The following GNA15 variants were observed in gnomAD, a reference collection of about 807,000 sequenced individuals.
GNA15 encodes G protein subunit alpha 15.
GNA15 carries 23 observed loss-of-function variants against 40.1 expected under a neutral mutation model. That is an observed-to-expected ratio of 0.57 (90% CI 0.41 to 0.81). The LOEUF (loss-of-function observed/expected upper bound fraction) is 0.81. Ranked by LOEUF, GNA15 falls within the 40% of genes least tolerant of loss-of-function variation. The pLI is 0.00. For missense variants in GNA15, 522 were observed against 515.8 expected, an observed-to-expected ratio of 1.01 and a Z score of -0.12; for synonymous variants, 226 against 210.4, an observed-to-expected ratio of 1.07 and a Z score of -0.64.
chr19:3,153,171 C>T (rs970884257), intron 4 of GNA15, among the ~76,000 whole-genome samples: 4 of 151,052 alleles, frequency 2.6e-5, no homozygotes, highest in Non-Finnish European at 4.4e-5. Context: ...CGAGAACCCA[C>T]GAGAAGGAAC....
chr19:3,144,588 GCA>G lies in GNA15; in HGVS notation c.146-4002_146-4001del, dbSNP rs1245335025. On this transcript the variant is annotated intron_variant, in intron 1 of 6. Coordinates refer to ENST00000262958, the MANE Select transcript of GNA15 (RefSeq NM_002068.4). ...CTGTCACCCAGGCTGGAGTGCAGTGGCATGATCTCGGCTCATTGCAAGCTCCG... is the reference window on the plus strand; with the variant it reads ...CTGTCACCCAGGCTGGAGTGCAGTGGTGATCTCGGCTCATTGCAAGCTCCG... Among the ~76,000 whole-genome samples, 17 of 152,100 alleles carry G rather than the reference GCA, an allele frequency of 1.1e-4. No individual in the cohort carries two copies. The East Asian group carries it at 1.5e-3, about 14-fold the overall frequency.
At chr19:3,156,726 G>A (rs1915039183) in intron 5 of GNA15, among the ~76,000 whole-genome samples, 1 of 151,996 alleles carries the variant, frequency 6.6e-6, no homozygotes, top group Non-Finnish European at 1.5e-5. Context: ...TCAATCTCCT[G>A]ACCTCGTGAT....
At chr19:3,153,466 GTGGA>G (rs200916319) in intron 4 of GNA15, among the ~76,000 whole-genome samples, 2,471 of 151,506 alleles carry the variant, frequency 0.016, 55 homozygotes, top group African/African-American at 0.055. Flanking sequence ...AGAGGGATGA[GTGGA>G]TGGATGGATG....
At chr19:3,157,653 C>G in intron 5 of GNA15, 75 bp from the exon 6 acceptor site, 1 of 1,363,852 alleles carries the variant, frequency 7.3e-7, no homozygotes, top group South Asian at 1.2e-5. Context: ...GCCAACAGCC[C>G]CGTCTCCGCG....
At chr19:3,140,379 A>G (rs1476896000) in intron 1 of GNA15, among the ~76,000 whole-genome samples, 3 of 152,080 alleles carry the variant, frequency 2.0e-5, no homozygotes, top group Non-Finnish European at 2.9e-5. Context: ...TTCTTGATCT[A>G]TCAAGCTAGG....
chr19:3,153,257 TAA>T lies in GNA15; in HGVS notation c.614+1436_614+1437del, dbSNP rs3216349. 7.3e-3 allele frequency among the ~76,000 whole-genome samples: 1,034 copies of T among 141,230 alleles called. 8 individuals carry two copies. The highest frequency in any genetic ancestry group is 0.023 in the African/African-American group (862 of 37,738). The allele number at this position is 141,230 out of a possible 152,430, so 92.7% of individuals were successfully genotyped here. On this transcript the variant is annotated intron_variant, in intron 4 of 6. Transcript: ENST00000262958. ...GAGAGATACTTGGTCTGGGAATCTT[TAA>T]AAAAAAAAAAAAAGGAAAGATGGAA...
intron 2 of GNA15, 166 bp from the exon 3 acceptor site, chr19:3,149,965 G>A: frequency 1.7e-6 from 1 of 589,742 alleles, no homozygotes; most frequent in Non-Finnish European, 3.0e-6. Context: ...AGAACAGACG[G>A]AGGACAAATC....
chr19:3,160,522 T>C (rs971388598), intron 6 of GNA15, among the ~76,000 whole-genome samples: 1 of 152,128 alleles, frequency 6.6e-6, no homozygotes, highest in African/African-American at 2.4e-5. Context: ...ACATCACTCA[T>C]ATCAGCCCGG....
chr19:3,146,203 C>A (rs1914717953), intron 1 of GNA15, among the ~76,000 whole-genome samples: 1 of 152,212 alleles, frequency 6.6e-6, no homozygotes, highest in South Asian at 2.1e-4. Context: ...GTCCCATCCC[C>A]TCTCCCATCG....
At chr19:3,150,405 C>T in intron 3 of GNA15, 120 bp downstream of exon 3, 3 of 879,968 alleles carry the variant, frequency 3.4e-6, no homozygotes, top group Non-Finnish European at 5.1e-6. Flanking sequence ...GGTGGTCCTG[C>T]TCCAGGATGA....
At chr19:3,150,413 T>A in intron 3 of GNA15, 128 bp downstream of exon 3, 1 of 824,638 alleles carries the variant, frequency 1.2e-6, no homozygotes, top group South Asian at 1.8e-5. Context: ...TGCTCCAGGA[T>A]GAGGTCCTTC....
At chr19:3,139,032 G>A (rs12985797) in intron 1 of GNA15, among the ~76,000 whole-genome samples, 41,352 of 147,590 alleles carry the variant, frequency 0.28, 5,859 homozygotes, top group Non-Finnish European at 0.32. Context: ...TGCAACCTCC[G>A]CCTCCTGGGT....
At chr19:3,156,021 G>C (rs1464932074) in intron 5 of GNA15, 69 bp downstream of exon 5, 13 of 1,444,256 alleles carry the variant, frequency 9.0e-6, no homozygotes, top group Admixed American at 9.0e-5. Flanking sequence ...AGGAAGCTCT[G>C]GTGCAGAAAG....
In GNA15 at chr19:3,149,451, C is replaced by G. The variant is rs148055460; in HGVS notation, c.330+676C>G. 4.6e-3 allele frequency: 717 copies of G among 157,240 alleles called. 1 individual carries two copies. Among genetic ancestry groups the G allele is most frequent in the Admixed American group, 6.9e-3 (113 of 16,290 alleles). 9.7% of individuals were successfully genotyped at this position (157,240 alleles called of 1,614,324 possible). A position where few individuals can be genotyped will look rare whatever the true frequency, so the allele number is the denominator to read the frequency against. The stretch of plus-strand genomic sequence containing the variant: ...ACATACAAATGCACACACAAGCACA[C>G]CTATGCACGCACCCACAAATGCAGC... On this transcript the variant is annotated intron_variant, in intron 2 of 6. Coordinates refer to ENST00000262958, the MANE Select transcript of GNA15 (RefSeq NM_002068.4).
rs974823663 is a variant in GNA15, at chr19:3,136,306, T to C, written c.-145T>C. On this transcript the variant is annotated 5_prime_UTR_variant, in exon 1 of 7. Transcript: ENST00000262958. The surrounding 1 kb of genome is among the most constrained non-coding windows in gnomAD (Gnocchi z 4.9). ...TTTCAGGCAAGGAAGTCTAGGTCCC[T>C]GGGGGGTGACCCCCAAGGAAAAGGC... The C allele has an allele frequency of 1.5e-5, 12 of 785,486 alleles. No homozygotes were observed. The highest frequency in any genetic ancestry group is 1.4e-4 in the African/African-American group (8 of 56,020). 48.7% of individuals were successfully genotyped at this position (785,486 alleles called of 1,614,324 possible). A position where few individuals can be genotyped will look rare whatever the true frequency, so the allele number is the denominator to read the frequency against.
intron 2 of GNA15, chr19:3,149,264 C>G (rs1914818802): frequency 6.2e-6 from 1 of 162,476 alleles, no homozygotes; most frequent in Non-Finnish European, 1.4e-5. Flanking sequence ...AGAATGCATG[C>G]AAATTCCCAC....
chr19:3,138,939 C>CTTTTT (rs35552360), intron 1 of GNA15, among the ~76,000 whole-genome samples: 1 of 105,606 alleles, frequency 9.5e-6, no homozygotes, highest in African/African-American at 3.6e-5. Flanking sequence ...CGCCCAGCCT[C>CTTTTT]TTTTTTTTTT....
chr19:3,143,400 C>G (rs1914623683), intron 1 of GNA15, among the ~76,000 whole-genome samples: 1 of 152,108 alleles, frequency 6.6e-6, no homozygotes, highest in African/African-American at 2.4e-5. Flanking sequence ...GCCTGTAATC[C>G]CAGTACTTTG....
At chr19:3,150,466 C>A (rs570733908) in intron 3 of GNA15, among the ~76,000 whole-genome samples, 181 bp downstream of exon 3, 101 of 152,092 alleles carry the variant, frequency 6.6e-4, no homozygotes, top group Middle Eastern at 3.4e-3. Context: ...CTGGGGGTGA[C>A]CCTTTTCCTG....
Sources: allele counts gnomAD v4.1 joint callset (sites outside exome capture counted in the v4.1 genomes callset), GRCh38; gene constraint gnomAD v4.1.1; non-coding constraint Gnocchi (gnomAD v3.1); transcripts MANE v1.5; gene names NCBI Gene and HGNC (gene_info 2026-07-23, HGNC 2026-07-21).